Variants in STEAP1B observed in about 807,000 individuals in gnomAD.
The protein encoded by STEAP1B is STEAP family protein MGC87042.
In STEAP1B, 13 loss-of-function variants were observed where a neutral mutation model predicts 27.9. The ratio of observed to expected loss-of-function variants is 0.47; its 90% confidence interval spans 0.30 to 0.74. The LOEUF (loss-of-function observed/expected upper bound fraction) is 0.74. STEAP1B is among the 30% of genes least tolerant of loss of function. The pLI is 0.06. For missense variants in STEAP1B, 250 were observed against 298.7 expected, an observed-to-expected ratio of 0.84 and a Z score of 1.20; for synonymous variants, 86 against 107.1, an observed-to-expected ratio of 0.80 and a Z score of 1.22.
intron 4 of STEAP1B, among the ~76,000 whole-genome samples, chr7:22,481,412 G>A (rs1786071556): frequency 6.6e-6 from 1 of 152,176 alleles, no homozygotes; most frequent in Admixed American, 6.5e-5. Context: ...AGAAGAGAAA[G>A]CAGACCCCAG....
chr7:22,441,572 CTG>C (rs1785334188), intron 4 of STEAP1B, among the ~76,000 whole-genome samples: 1 of 152,210 alleles, frequency 6.6e-6, no homozygotes, highest in Non-Finnish European at 1.5e-5. Context: ...GCCCCTGACT[CTG>C]TACCGCTCTC....
rs373333595 is a variant in STEAP1B at position 22,481,779 on chromosome 7, C to G, written c.762+10786G>C. Among the ~76,000 whole-genome samples the G allele has an allele frequency of 2.0e-5, 3 of 152,262 alleles. No individual in the cohort carries two copies. In the East Asian group the frequency reaches 5.8e-4, roughly 29 times the overall value. ...GGTGCTCCCCAGATGAACACAGTCA[C>G]GTAAAGCCAGAGGATTGTGTTGAAA... On this transcript the variant is annotated intron_variant, in intron 4 of 4. Transcript: ENST00000678116.
intron 4 of STEAP1B, among the ~76,000 whole-genome samples, chr7:22,464,613 C>G (rs1486643942): frequency 6.6e-6 from 1 of 151,942 alleles, no homozygotes; most frequent in East Asian, 1.9e-4. Flanking sequence ...GAGCCCTAAT[C>G]CAATCTGATT....
chr7:22,437,080 G>A (rs1016559521), intron 4 of STEAP1B, among the ~76,000 whole-genome samples: 1 of 152,210 alleles, frequency 6.6e-6, no homozygotes, highest in African/African-American at 2.4e-5. Context: ...CAGAATGGGA[G>A]AAAATTTTTG....
intron 4 of STEAP1B, 192 bp downstream of exon 4, chr7:22,492,373 G>A: frequency 1.5e-5 from 4 of 258,266 alleles, no homozygotes; most frequent in Non-Finnish European, 2.6e-5. Flanking sequence ...TTTTATTTAT[G>A]TCTAGGAAAC....
chr7:22,449,077 G>A (rs1785448238), intron 4 of STEAP1B, among the ~76,000 whole-genome samples: 1 of 151,752 alleles, frequency 6.6e-6, no homozygotes, highest in Non-Finnish European at 1.5e-5. Flanking sequence ...TATGCAACAT[G>A]TGATAATCAC....
chr7:22,461,356 G>A (rs1406106036), intron 4 of STEAP1B, among the ~76,000 whole-genome samples: 2 of 152,044 alleles, frequency 1.3e-5, no homozygotes, highest in African/African-American at 2.4e-5. Flanking sequence ...TCTGCCTCCC[G>A]GGTTCAAGCG....
chr7:22,447,345 CTTG>C (rs1232341719), intron 4 of STEAP1B, among the ~76,000 whole-genome samples: 16 of 152,164 alleles, frequency 1.1e-4, no homozygotes, highest in Admixed American at 1.0e-3. Flanking sequence ...GAAATGACTT[CTTG>C]TGTGTGTACT....
At chr7:22,423,654 G>A (rs1785071923) in intron 4 of STEAP1B, among the ~76,000 whole-genome samples, 1 of 152,194 alleles carries the variant, frequency 6.6e-6, no homozygotes, top group African/African-American at 2.4e-5. Flanking sequence ...TTTTTTGGAA[G>A]GGGGTGATAA....
intron 2 of STEAP1B, 25 bp downstream of exon 2, chr7:22,494,747 A>C (rs572282369): frequency 7.4e-7 from 1 of 1,359,722 alleles, no homozygotes; most frequent in East Asian, 2.4e-5. Flanking sequence ...ATTATTATTT[A>C]TTATTGTCAT....
intron 4 of STEAP1B, among the ~76,000 whole-genome samples, chr7:22,440,132 A>G (rs1407093382): frequency 6.6e-6 from 1 of 152,186 alleles, no homozygotes; most frequent in Non-Finnish European, 1.5e-5. Context: ...TTTATGAATT[A>G]CAATTATCTA....
At chr7:22,477,307 A>G (rs1030218991) in intron 4 of STEAP1B, among the ~76,000 whole-genome samples, 1 of 152,126 alleles carries the variant, frequency 6.6e-6, no homozygotes, top group African/African-American at 2.4e-5. Context: ...ACTTGATCTA[A>G]ACTTTTATTA....
At chr7:22,491,470 G>A (rs1366745520) in intron 4 of STEAP1B, among the ~76,000 whole-genome samples, 1 of 152,158 alleles carries the variant, frequency 6.6e-6, no homozygotes, top group Non-Finnish European at 1.5e-5. Flanking sequence ...TCATGAGAGC[G>A]AAAGGGAGAG....
chr7:22,422,654 C>T (rs961622228), intron 4 of STEAP1B, among the ~76,000 whole-genome samples: 3 of 152,120 alleles, frequency 2.0e-5, no homozygotes, highest in African/African-American at 4.8e-5. Flanking sequence ...CCCCTAGGCT[C>T]GGCTAATTTT....
intron 4 of STEAP1B, among the ~76,000 whole-genome samples, chr7:22,469,341 A>C (rs940040881): frequency 6.6e-6 from 1 of 152,210 alleles, no homozygotes; most frequent in African/African-American, 2.4e-5. Flanking sequence ...GAGTCAAAAA[A>C]GTTTATATGG....
At chr7:22,457,015 C>A (rs1301879408) in intron 4 of STEAP1B, among the ~76,000 whole-genome samples, 14 of 125,162 alleles carry the variant, frequency 1.1e-4, no homozygotes, top group African/African-American at 3.9e-4. Flanking sequence ...TGATGCATGA[C>A]AAACATCAAG....
chr7:22,486,889 T>C (rs1170430746), intron 4 of STEAP1B, among the ~76,000 whole-genome samples: 1 of 152,120 alleles, frequency 6.6e-6, no homozygotes, highest in East Asian at 1.9e-4. Flanking sequence ...GACTCCTGGC[T>C]CAGCCTTCTC....
intron 4 of STEAP1B, among the ~76,000 whole-genome samples, chr7:22,463,184 A>G (rs1465263713): frequency 6.6e-6 from 1 of 152,006 alleles, no homozygotes; most frequent in East Asian, 1.9e-4. Context: ...GAGCCAAATC[A>G]TGAGTGAACT....
intron 4 of STEAP1B, among the ~76,000 whole-genome samples, chr7:22,456,912 C>T (rs1343929941): frequency 5.1e-5 from 7 of 138,494 alleles, no homozygotes; most frequent in African/African-American, 1.9e-4. Flanking sequence ...CCTGGCTGCA[C>T]CGCAGACCAC....
Sources: allele counts gnomAD v4.1 joint callset (sites outside exome capture counted in the v4.1 genomes callset), GRCh38; gene constraint gnomAD v4.1.1; transcripts MANE v1.5; gene names NCBI Gene and HGNC (gene_info 2026-07-23, HGNC 2026-07-21).